CTNNA3: variants seen among roughly 807,000 people sequenced by gnomAD.
CTNNA3 encodes the protein catenin alpha 3.
A neutral mutation model predicts 95.7 loss-of-function variants in CTNNA3; 76 were observed. The observed-to-expected ratio is 0.79, with a 90% CI of 0.66 to 0.96. CTNNA3 has a LOEUF of 0.96. CTNNA3 is among the 40% of genes least tolerant of loss of function. CTNNA3 has a pLI of 0.00. For missense variants in CTNNA3, 1,191 were observed against 1,089.8 expected, an observed-to-expected ratio of 1.09 and a Z score of -1.31; for synonymous variants, 431 against 374.4, an observed-to-expected ratio of 1.15 and a Z score of -1.74.
intron 13 of CTNNA3, among the ~76,000 whole-genome samples, chr10:66,237,487 C>A (rs2089911254): frequency 2.0e-5 from 1 of 51,258 alleles, no homozygotes; most frequent in Non-Finnish European, 4.8e-5. Flanking sequence ...TATTTCTAAG[C>A]AATTTGAAGC....
intron 3 of CTNNA3, among the ~76,000 whole-genome samples, chr10:67,550,308 T>C (rs1039726564): frequency 6.6e-6 from 1 of 152,102 alleles, no homozygotes; most frequent in South Asian, 2.1e-4. Flanking sequence ...TAAATAATGC[T>C]CCCAGTGTAA....
chr10:66,803,753 G>C (rs1841527450), intron 7 of CTNNA3, among the ~76,000 whole-genome samples: 1 of 152,026 alleles, frequency 6.6e-6, no homozygotes, highest in Admixed American at 6.6e-5. Context: ...ACTGAATAAA[G>C]TTAATTTTAA....
At chr10:67,519,563 T>C (rs934221798) in intron 5 of CTNNA3, among the ~76,000 whole-genome samples, 1 of 152,154 alleles carries the variant, frequency 6.6e-6, no homozygotes, top group African/African-American at 2.4e-5. Flanking sequence ...GCATGGTTCT[T>C]TGTTCATAGC....
chr10:67,087,496 C>T (rs1433186708), intron 7 of CTNNA3, among the ~76,000 whole-genome samples: 2 of 151,656 alleles, frequency 1.3e-5, no homozygotes, highest in East Asian at 1.9e-4. Flanking sequence ...TTTAGATACA[C>T]AATTCATACC....
intron 9 of CTNNA3, among the ~76,000 whole-genome samples, chr10:66,759,975 T>C (rs192447397): frequency 6.6e-6 from 1 of 152,302 alleles, no homozygotes; most frequent in Non-Finnish European, 1.5e-5. Flanking sequence ...TCAATTCCTA[T>C]TGGCCAGCCT....
intron 15 of CTNNA3, among the ~76,000 whole-genome samples, chr10:66,011,188 C>T (rs7903919): frequency 0.53 from 79,792 of 151,932 alleles, 21,013 homozygotes; most frequent in Admixed American, 0.57. Flanking sequence ...CGCAATTCCC[C>T]TCCAATGCAA....
Position 67,231,108 on chromosome 10 carries a change from G to A in CTNNA3, c.580-11238C>T, listed in dbSNP as rs533169472. 1.7e-4 allele frequency among the ~76,000 whole-genome samples: 26 copies of A among 152,302 alleles called. No individual in the cohort carries two copies. In the East Asian group the frequency reaches 3.1e-3, roughly 18 times the overall value. On this transcript the variant is annotated intron_variant, in intron 5 of 17. Transcript: ENST00000433211. ...CAGCGAGGCTGGGGGAGGGGCGCCC[G>A]CCATTGCCCAGGCCTGCTTAGGTAA...
chr10:67,459,232 T>C (rs540228083), intron 5 of CTNNA3, among the ~76,000 whole-genome samples: 3 of 152,330 alleles, frequency 2.0e-5, no homozygotes, highest in African/African-American at 7.2e-5. Flanking sequence ...CCAATTAGTA[T>C]GAGTGTAGAA....
intron 13 of CTNNA3, among the ~76,000 whole-genome samples, chr10:66,203,070 A>G (rs935151316): frequency 1.3e-5 from 2 of 152,186 alleles, no homozygotes; most frequent in Non-Finnish European, 2.9e-5. Flanking sequence ...AAAAATTACA[A>G]ACAAAACTTT....
At chr10:67,374,718 G>A (rs1361672586) in intron 5 of CTNNA3, among the ~76,000 whole-genome samples, 1 of 152,120 alleles carries the variant, frequency 6.6e-6, no homozygotes, top group Non-Finnish European at 1.5e-5. Context: ...GGGACTTGAA[G>A]GAAGTAAAGC....
Position 67,189,139 on chromosome 10 carries a change from C to A in CTNNA3, c.844-8619G>T, listed in dbSNP as rs371283760. Among the ~76,000 whole-genome samples, 497 of 121,962 alleles carry A rather than the reference C, an allele frequency of 4.1e-3. 3 individuals are homozygous for A. The highest frequency in any genetic ancestry group is 0.022 in the African/African-American group (467 of 20,972). 80.0% of individuals were successfully genotyped at this position (121,962 alleles called of 152,430 possible). Reference sequence around the variant, plus strand: ...CAAACAAACAAACAAACAACAACAACAACAAAAAAAAAAACAGAAAATTCT... The same window carrying A: ...CAAACAAACAAACAAACAACAACAAAAACAAAAAAAAAAACAGAAAATTCT... On this transcript the variant is annotated intron_variant, in intron 6 of 17. Coordinates refer to ENST00000433211, the MANE Select transcript of CTNNA3 (RefSeq NM_013266.4).
At chr10:66,001,090 C>T (rs1352685537) in intron 15 of CTNNA3, among the ~76,000 whole-genome samples, 2 of 151,952 alleles carry the variant, frequency 1.3e-5, no homozygotes, top group African/African-American at 4.8e-5. Flanking sequence ...ATAGCAGCCT[C>T]AAGGAATACA....
At chr10:66,167,132 G>T (rs781664891) in intron 13 of CTNNA3, among the ~76,000 whole-genome samples, 1 of 152,064 alleles carries the variant, frequency 6.6e-6, no homozygotes, top group Admixed American at 6.6e-5. Context: ...GAAAGAAAAG[G>T]TACCATGAAA....
intron 15 of CTNNA3, among the ~76,000 whole-genome samples, chr10:66,044,997 T>C (rs7903501): frequency 0.012 from 1,829 of 152,232 alleles, 32 homozygotes; most frequent in African/African-American, 0.042. Flanking sequence ...GTGGTGTGTG[T>C]TGGATTCCAA....
intron 5 of CTNNA3, among the ~76,000 whole-genome samples, chr10:67,515,405 T>C (rs1198489086): frequency 6.6e-6 from 1 of 152,224 alleles, no homozygotes; most frequent in Non-Finnish European, 1.5e-5. Flanking sequence ...TAACATCACA[T>C]TCTTTTCTCC....
chr10:66,951,920 T>A (rs1266053877), intron 7 of CTNNA3, among the ~76,000 whole-genome samples: 1 of 152,164 alleles, frequency 6.6e-6, no homozygotes, highest in Non-Finnish European at 1.5e-5. Flanking sequence ...TGAACCTTCA[T>A]CTTTAATGGA....
At chr10:66,522,773 G>T (rs969139327) in intron 10 of CTNNA3, among the ~76,000 whole-genome samples, 2 of 151,056 alleles carry the variant, frequency 1.3e-5, no homozygotes, top group African/African-American at 2.4e-5. Flanking sequence ...GTCCACGCAC[G>T]TTATCACAAG....
chr10:66,822,252 A>C (rs1366510721), intron 7 of CTNNA3, among the ~76,000 whole-genome samples: 7 of 151,962 alleles, frequency 4.6e-5, no homozygotes, highest in African/African-American at 1.7e-4. Context: ...CAAATATTTA[A>C]TATATAAGAT....
intron 5 of CTNNA3, among the ~76,000 whole-genome samples, chr10:67,293,762 C>T (rs937386999): frequency 6.0e-5 from 9 of 149,020 alleles, no homozygotes; most frequent in African/African-American, 2.0e-4. Context: ...TGAGAGCATG[C>T]GGTGTTTGGT....
Sources: gnomAD v4.1 joint callset for allele counts (sites outside exome capture counted in the v4.1 genomes callset) on GRCh38, gnomAD v4.1.1 for gene constraint, MANE v1.5 for transcripts, NCBI Gene and HGNC (gene_info 2026-07-23, HGNC 2026-07-21) for gene names.